The following WDR72 variants were observed in gnomAD, a reference collection of about 807,000 sequenced individuals.
The protein encoded by WDR72 is WD repeat-containing protein 72.
WDR72 carries 120 observed loss-of-function variants against 124.2 expected under a neutral mutation model. The ratio of observed to expected loss-of-function variants is 0.97; its 90% CI spans 0.83 to 1.12. The LOEUF (loss-of-function observed/expected upper bound fraction) is 1.12, where lower values mean the gene tolerates loss of function less well. WDR72 is among the 50% of genes most tolerant of loss of function. The pLI, the probability that WDR72 is intolerant of heterozygous loss-of-function variation, is 0.00. For missense variants in WDR72, 1,387 were observed against 1,278.8 expected (o/e 1.08, Z -1.29); for synonymous variants, 452 against 441.7 (o/e 1.02, Z -0.29).
At chr15:53,677,540 T>C (rs914120315) in intron 13 of WDR72, among the ~76,000 whole-genome samples, 1 of 152,170 alleles carries the variant, frequency 6.6e-6, no homozygotes, top group African/African-American at 2.4e-5. Context: ...AATTAAATCA[T>C]GGGGTCAGGT....
rs562985746 is a variant in WDR72, at chr15:53,568,537, T to A, written c.3148+28542A>T. ...ATCTGCTTCCCTGTACATCTAGCAA[T>A]GTTGTTCACTCTGGCTTCTGTAACG... On this transcript the variant is annotated intron_variant, in intron 18 of 19. Coordinates refer to ENST00000360509, the MANE Select transcript of WDR72 (RefSeq NM_182758.4). Among the ~76,000 whole-genome samples the A allele has an allele frequency of 2.0e-5, 3 of 152,136 alleles. No individual in the cohort carries two copies. In the South Asian group the frequency reaches 6.2e-4, roughly 31 times the overall value.
At chr15:53,678,091 T>C (rs1240425204) in intron 13 of WDR72, among the ~76,000 whole-genome samples, 2 of 152,142 alleles carry the variant, frequency 1.3e-5, no homozygotes, top group Admixed American at 6.5e-5. Flanking sequence ...AGATTTAAAG[T>C]AGGGAATGTT....
At chr15:53,687,591 G>T (rs1281885370) in intron 13 of WDR72, among the ~76,000 whole-genome samples, 9 of 147,690 alleles carry the variant, frequency 6.1e-5, no homozygotes, top group Admixed American at 1.3e-4. Context: ...ACCAAAAAGA[G>T]TCCAGGACCA....
In WDR72 at chr15:53,597,209, C is replaced by T. The variant is rs756522500; in HGVS notation, c.3018G>A (p.Lys1006=). Residue 1006 remains lysine (K), a synonymous_variant, in exon 18 of 20, where the codon AAG becomes AAA. Coordinates refer to ENST00000360509, the MANE Select transcript of WDR72 (RefSeq NM_182758.4). ...EVQQHMKSLG[K]IPVNSQPVSM... is the part of the protein sequence containing the mutation. ...ACACTGGTTGACTATTGACGGGTAT[C>T]TTTCCCAAACTCTTCATGTGTTGTT... 1 of 1,613,840 alleles carries T rather than the reference C, an allele frequency of 6.2e-7. No individual in the cohort carries two copies. The highest frequency in any genetic ancestry group is 1.7e-5 in the Admixed American group (1 of 59,976).
intron 18 of WDR72, among the ~76,000 whole-genome samples, chr15:53,583,865 C>T (rs752309648): frequency 1.3e-5 from 2 of 151,936 alleles, no homozygotes; most frequent in Non-Finnish European, 2.9e-5. Context: ...TGAGGTTTAA[C>T]CTTTGAAATT....
intron 14 of WDR72, among the ~76,000 whole-genome samples, chr15:53,628,647 T>C (rs1370071681): frequency 6.6e-6 from 1 of 152,170 alleles, no homozygotes; most frequent in Non-Finnish European, 1.5e-5. Context: ...TTACAGTAGA[T>C]GCTTACATCT....
intron 18 of WDR72, among the ~76,000 whole-genome samples, chr15:53,557,682 G>A (rs1005244626): frequency 3.9e-5 from 6 of 151,922 alleles, no homozygotes; most frequent in Admixed American, 2.0e-4. Flanking sequence ...AGTGACCACC[G>A]ACCATCCTGA....
rs769132330 is a variant in WDR72, at chr15:53,523,337, A to G, written c.3149-15T>C. The G allele has an allele frequency of 1.2e-6, 2 of 1,607,674 alleles. No homozygotes were observed. Among genetic ancestry groups the G allele is most frequent in the Admixed American group, 1.7e-5 (1 of 59,840 alleles). On this transcript the variant is annotated splice_polypyrimidine_tract_variant and intron_variant, in intron 18 of 19. Transcript: ENST00000360509. ...GCTGACTGGAGCTATTAAAAGAGAGAGAGAGAGAGAGAGAGACAGAAGAGA... is the reference window on the plus strand; with the variant it reads ...GCTGACTGGAGCTATTAAAAGAGAGGGAGAGAGAGAGAGAGACAGAAGAGA...
chr15:53,517,078 G>C lies in WDR72; in HGVS notation c.*621C>G, dbSNP rs1161875353. ...ATTAGAAGTTCAAATTAACTCAACAGTACAAGGTTGGTCACTGTTATACTT... is the reference window on the plus strand; with the variant it reads ...ATTAGAAGTTCAAATTAACTCAACACTACAAGGTTGGTCACTGTTATACTT... On this transcript the variant is annotated 3_prime_UTR_variant, in exon 20 of 20. Transcript: ENST00000360509. The C allele has an allele frequency of 6.4e-6, 1 of 155,478 alleles. No homozygotes were observed. The highest frequency in any genetic ancestry group is 6.3e-5 in the Admixed American group (1 of 15,896). The allele number at this position is 155,478 out of a possible 1,614,324, so 9.6% of individuals were successfully genotyped here. A position where few individuals can be genotyped will look rare whatever the true frequency, so the allele number is the denominator to read the frequency against.
chr15:53,641,767 C>T (rs533019090), intron 14 of WDR72, among the ~76,000 whole-genome samples: 2 of 151,670 alleles, frequency 1.3e-5, no homozygotes, highest in South Asian at 4.2e-4. Flanking sequence ...ATTGTACATT[C>T]TAATTGGTGT....
At chr15:53,523,452 A>G (rs1595727051) in intron 18 of WDR72, 130 bp from the exon 19 acceptor site, 1 of 825,240 alleles carries the variant, frequency 1.2e-6, no homozygotes, top group East Asian at 2.6e-5. Flanking sequence ...AACACAAATA[A>G]TAAATTGAAA....
At chr15:53,591,015 T>C (rs2012465831) in intron 18 of WDR72, among the ~76,000 whole-genome samples, 2 of 152,002 alleles carry the variant, frequency 1.3e-5, no homozygotes, top group Admixed American at 1.3e-4. Flanking sequence ...CAGATGATCT[T>C]GAGAGGAAGA....
chr15:53,625,335 GT>G (rs1442054988), intron 14 of WDR72, among the ~76,000 whole-genome samples: 2 of 152,112 alleles, frequency 1.3e-5, no homozygotes, highest in Non-Finnish European at 2.9e-5. Flanking sequence ...TGATTTCCAG[GT>G]ATTGCATCAT....
At chr15:53,547,588 C>A (rs1374558197) in intron 18 of WDR72, among the ~76,000 whole-genome samples, 1 of 152,114 alleles carries the variant, frequency 6.6e-6, no homozygotes, top group Non-Finnish European at 1.5e-5. Flanking sequence ...AGGATGCTCA[C>A]CACAGGGTAA....
intron 18 of WDR72, among the ~76,000 whole-genome samples, chr15:53,586,631 C>G (rs1353726778): frequency 6.6e-6 from 1 of 152,006 alleles, no homozygotes; most frequent in Non-Finnish European, 1.5e-5. Context: ...CTTAGTAGTT[C>G]AGTAACATAT....
chr15:53,615,333 G>A (rs189727989), intron 15 of WDR72, 93 bp downstream of exon 15: 2 of 1,026,042 alleles, frequency 1.9e-6, no homozygotes, highest in East Asian at 5.3e-5. Context: ...CTGGAAAGAA[G>A]GAAGGAATGT....
rs1555427136 is a variant in WDR72, at chr15:53,713,192, G to GGA, written c.592-302_592-301insTC. ...TTAAAAAATATAGGATGTATTTCTT[G>GGA]AAAAAAAAAAAAAGCTGTGATCAGG... On this transcript the variant is annotated intron_variant, in intron 6 of 19. Coordinates refer to ENST00000360509, the MANE Select transcript of WDR72 (RefSeq NM_182758.4). Among the ~76,000 whole-genome samples, 945 of 133,770 alleles carry GGA rather than the reference G, an allele frequency of 7.1e-3. 20 individuals are homozygous for GGA. The highest frequency in any genetic ancestry group is 0.027 in the African/African-American group (897 of 32,830). The allele number at this position is 133,770 out of a possible 152,430, so 87.8% of individuals were successfully genotyped here.
intron 18 of WDR72, among the ~76,000 whole-genome samples, chr15:53,537,373 C>T (rs1306514720): frequency 6.6e-6 from 1 of 151,950 alleles, no homozygotes. Flanking sequence ...AAACATTGTT[C>T]AAGATTATTA....
At chr15:53,745,905 T>C (rs952818670) in intron 1 of WDR72, among the ~76,000 whole-genome samples, 9 of 152,112 alleles carry the variant, frequency 5.9e-5, no homozygotes, top group Non-Finnish European at 1.3e-4. Context: ...CATCCAGAAC[T>C]TGCTCCTTAC....
Sources: gnomAD v4.1 joint callset for allele counts (sites outside exome capture counted in the v4.1 genomes callset) on GRCh38, gnomAD v4.1.1 for gene constraint, MANE v1.5 for transcripts, NCBI Gene and HGNC (gene_info 2026-07-23, HGNC 2026-07-21) for gene names.